Variants in GFRA2 observed in about 807,000 individuals in gnomAD.
GFRA2 encodes GDNF family receptor alpha 2.
In GFRA2, 17 loss-of-function variants were observed where a neutral mutation model predicts 48.3. The ratio of observed to expected loss-of-function variants is 0.35; its 90% CI spans 0.24 to 0.53. GFRA2 has a LOEUF of 0.53. Among genes scored for constraint, GFRA2 ranks in the 20% least tolerant of loss-of-function variants. The pLI, the probability that GFRA2 is intolerant of heterozygous loss-of-function variation, is 0.93. For missense variants in GFRA2, 660 were observed against 637.3 expected (o/e 1.04, Z -0.38); for synonymous variants, 305 against 257.2 (o/e 1.19, Z -1.78).
At chr8:21,780,984 G>A (rs1425428135) in intron 2 of GFRA2, 2 of 152,228 alleles carry the variant, frequency 1.3e-5, no homozygotes, top group East Asian at 1.9e-4. Flanking sequence ...AAATTAGCTG[G>A]GTGTGGTAGC....
At chr8:21,774,867 G>T in intron 3 of GFRA2, 105 bp downstream of exon 3, 1 of 689,796 alleles carries the variant, frequency 1.4e-6, no homozygotes, top group Non-Finnish European at 2.7e-6. Context: ...ATGGGCAGCA[G>T]GGCCATCATC....
Position 21,782,904 on chromosome 8 carries a change from G to A in GFRA2, c.41-5C>T. ...CCAAAGAGCGGAGGGTCTCGTCTGG[G>A]TGGTGGGGAGGGAAGACAAGCATGA... On this transcript the variant is annotated splice_polypyrimidine_tract_variant and splice_region_variant and intron_variant, in intron 1 of 8. Coordinates refer to ENST00000524240, the MANE Select transcript of GFRA2 (RefSeq NM_001495.5). The A allele has an allele frequency of 6.5e-7, 1 of 1,547,848 alleles. No individual in the cohort carries two copies. The highest frequency in any genetic ancestry group is 8.7e-7 in the Non-Finnish European group (1 of 1,153,464).
intron 3 of GFRA2, among the ~76,000 whole-genome samples, chr8:21,766,946 C>G (rs372293331): frequency 4.1e-5 from 6 of 146,700 alleles, no homozygotes; most frequent in African/African-American, 1.5e-4. Flanking sequence ...TACACACACT[C>G]CACCACCGAC....
intron 1 of GFRA2, among the ~76,000 whole-genome samples, chr8:21,810,473 G>A (rs1807958010): frequency 6.6e-6 from 1 of 152,160 alleles, no homozygotes; most frequent in African/African-American, 2.4e-5. Context: ...ATGACCACTT[G>A]GTGCCAGCTC....
At chr8:21,795,372 T>C (rs1295435833) in intron 2 of GFRA2, among the ~76,000 whole-genome samples, 2 of 145,630 alleles carry the variant, frequency 1.4e-5, no homozygotes, top group African/African-American at 5.6e-5. Context: ...TTCTTTTTTC[T>C]TTTTTCTTTT....
intron 4 of GFRA2, among the ~76,000 whole-genome samples, chr8:21,726,913 C>G (rs925114790): frequency 6.6e-6 from 1 of 151,928 alleles, no homozygotes; most frequent in Non-Finnish European, 1.5e-5. Flanking sequence ...CCACCACACC[C>G]GGCTAATTTT....
In GFRA2 at chr8:21,766,349, T is replaced by C. The variant is rs191857133; in HGVS notation, c.439+8623A>G. On this transcript the variant is annotated intron_variant, in intron 3 of 8. Transcript: ENST00000524240. ...TGTTGGCTTGTTTTCTATTTTTCTC[T>C]GTCTCCAGCTAATAGAAGAACATAA... Among the ~76,000 whole-genome samples, 809 of 152,174 alleles carry C rather than the reference T, an allele frequency of 5.3e-3. 7 individuals carry two copies. Among genetic ancestry groups the C allele is most frequent in the South Asian group, 0.015 (74 of 4,826 alleles).
chr8:21,762,000 C>A (rs1805937937), intron 3 of GFRA2, among the ~76,000 whole-genome samples: 1 of 152,088 alleles, frequency 6.6e-6, no homozygotes, highest in South Asian at 2.1e-4. Flanking sequence ...GAAAGGTCCT[C>A]CCTCCCATCT....
chr8:21,720,089 A>C (rs1188062980), intron 4 of GFRA2, among the ~76,000 whole-genome samples: 1 of 152,190 alleles, frequency 6.6e-6, no homozygotes, highest in Non-Finnish European at 1.5e-5. Flanking sequence ...CTCACAATCC[A>C]TGCAAACCCT....
chr8:21,739,618 G>A (rs79145343), intron 4 of GFRA2, among the ~76,000 whole-genome samples: 21 of 152,132 alleles, frequency 1.4e-4, no homozygotes, highest in South Asian at 2.1e-4. Flanking sequence ...ACACCCAGGC[G>A]CCACAAGCCA....
chr8:21,749,312 C>T (rs1345741899), intron 4 of GFRA2, among the ~76,000 whole-genome samples: 1 of 151,530 alleles, frequency 6.6e-6, no homozygotes, highest in Non-Finnish European at 1.5e-5. Flanking sequence ...CCAGGCTCTG[C>T]GCTAAGCTTT....
At chr8:21,736,302 T>C (rs1436715676) in intron 4 of GFRA2, among the ~76,000 whole-genome samples, 2 of 152,024 alleles carry the variant, frequency 1.3e-5, no homozygotes, top group African/African-American at 2.4e-5. Flanking sequence ...GTTAACAATG[T>C]ATTTAGAGAG....
intron 4 of GFRA2, among the ~76,000 whole-genome samples, chr8:21,737,352 G>A (rs1299875049): frequency 6.6e-6 from 1 of 151,510 alleles, no homozygotes; most frequent in African/African-American, 2.4e-5. Context: ...CTGGACGACA[G>A]AGTGAGACTC....
At chr8:21,734,648 C>T (rs1405209066) in intron 4 of GFRA2, among the ~76,000 whole-genome samples, 1 of 152,250 alleles carries the variant, frequency 6.6e-6, no homozygotes, top group Non-Finnish European at 1.5e-5. Context: ...GCCATGGAAG[C>T]TGCCTCGAAG....
At chr8:21,781,030 G>A (rs1806959450) in intron 2 of GFRA2, 1 of 152,186 alleles carries the variant, frequency 6.6e-6, no homozygotes, top group South Asian at 2.1e-4. Flanking sequence ...GGAGGCCGAG[G>A]CGGGCCGATG....
chr8:21,761,603 T>C (rs1032008042), intron 3 of GFRA2, among the ~76,000 whole-genome samples: 11 of 152,178 alleles, frequency 7.2e-5, no homozygotes, highest in African/African-American at 2.4e-4. Flanking sequence ...TGGATGAAAA[T>C]ACCCCTTGCA....
intron 1 of GFRA2, among the ~76,000 whole-genome samples, chr8:21,806,414 G>A (rs755179375): frequency 6.6e-6 from 1 of 152,198 alleles, no homozygotes; most frequent in Non-Finnish European, 1.5e-5. Flanking sequence ...AAGTGTTCTC[G>A]GCACATTTAA....
chr8:21,791,906 T>C (rs1807580031), upstream of GFRA2, among the ~76,000 whole-genome samples: 1 of 152,184 alleles, frequency 6.6e-6, no homozygotes, highest in East Asian at 1.9e-4. Flanking sequence ...ATGTGAAGTC[T>C]CTAGCAGGTA....
intron 3 of GFRA2, among the ~76,000 whole-genome samples, chr8:21,752,514 G>C (rs989224624): frequency 1.7e-4 from 26 of 151,908 alleles, no homozygotes; most frequent in African/African-American, 6.3e-4. Context: ...CCATACCCAG[G>C]GCTCAGTCTC....
Sources: gnomAD v4.1 joint callset for allele counts (sites outside exome capture counted in the v4.1 genomes callset) on GRCh38, gnomAD v4.1.1 for gene constraint, MANE v1.5 for transcripts, NCBI Gene and HGNC (gene_info 2026-07-23, HGNC 2026-07-21) for gene names.